The following TRIM64C variants were observed in gnomAD, a reference collection of about 807,000 sequenced individuals.
The protein encoded by TRIM64C is tripartite motif containing 64C, also known as tripartite motif-containing protein 64C.
TRIM64C carries 25 observed loss-of-function variants against 36.1 expected under a neutral mutation model. The ratio of observed to expected loss-of-function variants is 0.69; its 90% CI spans 0.51 to 0.97. The LOEUF is 0.97. TRIM64C is among the 50% of genes least tolerant of loss of function. The pLI, the probability that TRIM64C is intolerant of heterozygous loss-of-function variation, is 0.00. For missense variants in TRIM64C, 489 were observed against 536.8 expected, an observed-to-expected ratio of 0.91 and a Z score of 0.88; for synonymous variants, 212 against 185.7, an observed-to-expected ratio of 1.14 and a Z score of -1.15.
intron 4 of TRIM64C, among the ~76,000 whole-genome samples, chr11:49,056,045 C>T (rs1283325110): frequency 6.6e-6 from 1 of 151,688 alleles, no homozygotes; most frequent in Non-Finnish European, 1.5e-5. Context: ...CCTCCCACCC[C>T]TCTAGAGTAG....
chr11:49,053,810 A>T lies in TRIM64C; in HGVS notation c.1257T>A (p.Ser419Arg), dbSNP rs1476595366. ...GAGAACCTTTAGAAACATCAAAAAA[A>T]CTCACAGATCCATTATCATAATCCA... Reference protein sequence around the residue: ...VFLDYDNGSVSFFDVSKGSLI... With the variant: ...VFLDYDNGSVRFFDVSKGSLI... Residue 419 changes from serine (S) to arginine (R), a missense_variant, in exon 6 of 6, where the codon AGT (serine) becomes AGA (arginine). By Grantham distance (110) the Ser-to-Arg change is moderately radical. Coordinates refer to ENST00000617704, the MANE Select transcript of TRIM64C (RefSeq NM_001206631.1). 11 of 1,551,602 alleles carry T rather than the reference A, an allele frequency of 7.1e-6. No homozygotes were observed. The highest frequency in any genetic ancestry group is 3.3e-4 in the Middle Eastern group (2 of 6,010).
intron 2 of TRIM64C, 162 bp downstream of exon 2, chr11:49,057,916 T>C (rs1363421976): frequency 2.5e-5 from 14 of 560,792 alleles, no homozygotes; most frequent in Non-Finnish European, 4.4e-5. Flanking sequence ...CTAGCTTGTG[T>C]GGGCTTCTCT....
rs1273979648 is a variant in TRIM64C at position 49,058,208 on chromosome 11, G to A, written c.413-36C>T. 4 of 1,331,488 alleles carry A rather than the reference G, an allele frequency of 3.0e-6. No individual in the cohort carries two copies. In the East Asian group the frequency reaches 1.0e-4, roughly 34 times the overall value. 82.5% of individuals were successfully genotyped at this position (1,331,488 alleles called of 1,614,324 possible). A position where few individuals can be genotyped will look rare whatever the true frequency, so the allele number is the denominator to read the frequency against. On this transcript the variant is annotated intron_variant, in intron 1 of 5. Coordinates refer to ENST00000617704, the MANE Select transcript of TRIM64C (RefSeq NM_001206631.1). ...AAGCAAGAAGCTTAGCAATGATGAA[G>A]ACAGTAGATCTTATCCCTTTATCAA... is the stretch of plus-strand genomic sequence containing the variant.
chr11:49,056,278 A>C (rs767311535), intron 4 of TRIM64C, 81 bp downstream of exon 4: 4 of 1,052,352 alleles, frequency 3.8e-6, no homozygotes, highest in Non-Finnish European at 4.2e-6. Flanking sequence ...GAATGATGTT[A>C]GTACTCAAAA....
chr11:49,054,177 G>A lies in TRIM64C; in HGVS notation c.890C>T (p.Pro297Leu), dbSNP rs1312155022. The change falls in exon 6 of 6, where the codon CCT (proline) becomes CTT (leucine). Residue 297 changes from proline (P) to leucine (L), a missense_variant. Coordinates refer to ENST00000617704, the MANE Select transcript of TRIM64C (RefSeq NM_001206631.1). ...VDNALSTEMT[P>L]CYISLSEDVR... The stretch of plus-strand genomic sequence containing the variant: ...ATCCTCAGAAAGGCTTATATAGCAA[G>A]GAGTCATTTCTGTACTCAGAGCATT... 106 of 1,551,492 alleles carry A rather than the reference G, an allele frequency of 6.8e-5. No individual in the cohort carries two copies. The highest frequency in any genetic ancestry group is 8.3e-5 in the Non-Finnish European group (95 of 1,146,814).
intron 4 of TRIM64C, 150 bp from the exon 5 acceptor site, chr11:49,055,557 GC>G: frequency 9.3e-7 from 1 of 1,075,452 alleles, no homozygotes; most frequent in Non-Finnish European, 1.3e-6. Flanking sequence ...CACTCTAGGG[GC>G]CATAAGGATG....
rs1409690574 is a variant in TRIM64C, at chr11:49,057,238, T to C, written c.648A>G (p.Gln216=). The C allele has an allele frequency of 6.5e-7, 1 of 1,549,708 alleles. No individual in the cohort carries two copies. Among genetic ancestry groups the C allele is most frequent in the Non-Finnish European group, 8.7e-7 (1 of 1,146,984 alleles). ...KELFQQLQDS[Q]VRMTQHLEGM... Reference sequence around the variant, plus strand: ...CTTCTAAATGTTGGGTCATTCTCACTTGACTGTCTTGTAGTTGTTGGAAAA... The same window carrying C: ...CTTCTAAATGTTGGGTCATTCTCACCTGACTGTCTTGTAGTTGTTGGAAAA... The change falls in exon 3 of 6, where the codon CAA becomes CAG. Residue 216 remains glutamine (Q), a synonymous_variant. Transcript: ENST00000617704.
rs558160077 is a variant in TRIM64C, at chr11:49,054,332, C to T, written c.860-125G>A. The T allele has an allele frequency of 1.5e-5, 15 of 1,025,102 alleles. No individual in the cohort carries two copies. In the South Asian group the frequency reaches 2.3e-4, roughly 16 times the overall value. 63.5% of individuals were successfully genotyped at this position (1,025,102 alleles called of 1,614,324 possible). A position where few individuals can be genotyped will look rare whatever the true frequency, so the allele number is the denominator to read the frequency against. ...AAAAAAGGAAACCAAGAGAGTTCAG[C>T]CCCATGCATCCATGAAGATGAAATG... On this transcript the variant is annotated intron_variant, in intron 5 of 5. Coordinates refer to ENST00000617704, the MANE Select transcript of TRIM64C (RefSeq NM_001206631.1).
chr11:49,058,320 A>G (rs140499937), intron 1 of TRIM64C, 148 bp from the exon 2 acceptor site: 49 of 668,806 alleles, frequency 7.3e-5, no homozygotes, highest in Non-Finnish European at 1.1e-4. Context: ...TATGGTTCTA[A>G]TAATTTGGAT....
Position 49,057,226 on chromosome 11 carries a change from G to A in TRIM64C, c.660C>T (p.Thr220=). 8 of 1,549,556 alleles carry A rather than the reference G, an allele frequency of 5.2e-6. No individual in the cohort carries two copies. Among genetic ancestry groups the A allele is most frequent in the Non-Finnish European group, 6.1e-6 (7 of 1,146,930 alleles). The change falls in exon 3 of 6, where the codon ACC becomes ACT. Residue 220 remains threonine, a synonymous_variant. Coordinates refer to ENST00000617704, the MANE Select transcript of TRIM64C (RefSeq NM_001206631.1). Reference sequence around the variant, plus strand: ...TGTCTTTCATCCCTTCTAAATGTTGGGTCATTCTCACTTGACTGTCTTGTA... The same window carrying A: ...TGTCTTTCATCCCTTCTAAATGTTGAGTCATTCTCACTTGACTGTCTTGTA... ...QQLQDSQVRM[T]QHLEGMKDMY...
rs1281475966 is a variant in TRIM64C, at chr11:49,056,380, T to C, written c.740A>G (p.Asp247Gly). The C allele has an allele frequency of 4.5e-6, 7 of 1,541,710 alleles. No individual in the cohort carries two copies. The highest frequency in any genetic ancestry group is 2.4e-5 in the South Asian group (2 of 82,940). Residue 247 changes from aspartate (D) to glycine (G), a missense_variant and splice_region_variant, in exon 4 of 6, where the codon GAT becomes GGT. Physicochemically the swap from Asp to Gly is moderately conservative, Grantham distance 94. Coordinates refer to ENST00000617704, the MANE Select transcript of TRIM64C (RefSeq NM_001206631.1). ...TCACCTTGCCGATATATTTCCCACA[T>C]CCTGCAAAAAAAATAAAATGTAATG... ...YHMPDVELLQ[D>G]VGNISARTDL...
intron 2 of TRIM64C, chr11:49,057,772 C>G (rs1854830559): frequency 8.0e-6 from 4 of 501,730 alleles, no homozygotes; most frequent in South Asian, 6.5e-5. Context: ...TATTCTATTT[C>G]TTTTGTCTTC....
chr11:49,058,410 T>C (rs1277609595), intron 1 of TRIM64C, among the ~76,000 whole-genome samples: 1 of 151,838 alleles, frequency 6.6e-6, no homozygotes, highest in Non-Finnish European at 1.5e-5. Flanking sequence ...AAACTGGGTT[T>C]TACATAACCT....
Position 49,058,860 on chromosome 11 carries a change from T to C in TRIM64C, c.253A>G (p.Ile85Val), listed in dbSNP as rs762177898. 40 of 1,549,742 alleles carry C rather than the reference T, an allele frequency of 2.6e-5. No individual in the cohort carries two copies. The highest frequency in any genetic ancestry group is 3.2e-5 in the Non-Finnish European group (37 of 1,146,926). The part of the protein sequence containing the change: ...SLARQTRPQN[I>V]NSSDNICVLH... ...ACACAGATATTGTCTGAGCTGTTGATGTTCTGAGGTCTGGTCTGTCTGGCT... is the reference window on the plus strand; with the variant it reads ...ACACAGATATTGTCTGAGCTGTTGACGTTCTGAGGTCTGGTCTGTCTGGCT... Residue 85 changes from isoleucine (I) to valine (V), a missense_variant, in exon 1 of 6, where the codon ATC becomes GTC. Coordinates refer to ENST00000617704, the MANE Select transcript of TRIM64C (RefSeq NM_001206631.1).
rs1021331885 is a variant in TRIM64C, at chr11:49,058,815, C to G, written c.298G>C (p.Glu100Gln). 2 of 1,549,086 alleles carry G rather than the reference C, an allele frequency of 1.3e-6. No homozygotes were observed. The highest frequency in any genetic ancestry group is 2.8e-5 in the African/African-American group (2 of 72,592). ...CTCTTGTCAGCCTCACAGAAGAGCT[C>G]CTTAGTCTCCTCATGGAGCACACAG... ...NICVLHEETKELFCEADKRLL... is the reference protein window; with the variant it reads ...NICVLHEETKQLFCEADKRLL... Residue 100 changes from glutamate (E) to glutamine (Q), a missense_variant, in exon 1 of 6, where the codon GAG (glutamate) becomes CAG (glutamine). Transcript: ENST00000617704.
At chr11:49,057,067 T>A in intron 3 of TRIM64C, 81 bp downstream of exon 3, 1 of 1,483,706 alleles carries the variant, frequency 6.7e-7, no homozygotes, top group Admixed American at 2.0e-5. Context: ...AGCAGTGACA[T>A]ATGCTGATGA....
At position 49,058,079 on chromosome 11, in the gene TRIM64C, A is replaced by T; in HGVS notation, c.506T>A (p.Val169Glu). 6.6e-7 allele frequency: 1 copy of T among 1,517,108 alleles called. No individual in the cohort carries two copies. Among genetic ancestry groups the T allele is most frequent in the Non-Finnish European group, 8.8e-7 (1 of 1,135,566 alleles). The allele number at this position is 1,517,108 out of a possible 1,614,324, so 94.0% of individuals were successfully genotyped here. Reference protein sequence around the residue: ...NQETSKFCSLVDYVSLRKVII... With the variant: ...NQETSKFCSLEDYVSLRKVII... ...AAAGGAAACATTTTCATTCTTAACC[A>T]CTAATGAACAAAATTTGCTAGTTTC... Residue 169 changes from valine to glutamate, a missense_variant and splice_region_variant, in exon 2 of 6, where the codon GTG becomes GAG. Val to Glu is a moderately radical substitution (Grantham distance 121). Transcript: ENST00000617704.
At chr11:49,056,495 C>A in intron 3 of TRIM64C, 114 bp from the exon 4 acceptor site, 2 of 882,902 alleles carry the variant, frequency 2.3e-6, no homozygotes, top group Non-Finnish European at 3.6e-6. Context: ...TCTTTTTATT[C>A]CCCTCTAAGG....
chr11:49,058,759 T>C lies in TRIM64C; in HGVS notation c.354A>G (p.Pro118=). The change falls in exon 1 of 6, where the codon CCA becomes CCG. Residue 118 remains proline (P), a synonymous_variant. Coordinates refer to ENST00000617704, the MANE Select transcript of TRIM64C (RefSeq NM_001206631.1). ...GGCTGTGGCTGTGAGCCATGTGCTC[T>C]GGTGACTCAGAGCAGGGCCCACAGA... The part of the protein sequence containing the change: ...RLLCGPCSES[P]EHMAHSHSPI... 6.5e-7 allele frequency: 1 copy of C among 1,548,344 alleles called. No homozygotes were observed. Among genetic ancestry groups the C allele is most frequent in the Non-Finnish European group, 8.7e-7 (1 of 1,146,624 alleles).
Sources: gnomAD v4.1 joint callset for allele counts (sites outside exome capture counted in the v4.1 genomes callset) on GRCh38, gnomAD v4.1.1 for gene constraint, MANE v1.5 for transcripts, NCBI Gene and HGNC (gene_info 2026-07-23, HGNC 2026-07-21) for gene names.